TSNAXIP1: variants seen among roughly 807,000 people sequenced by gnomAD.
The protein encoded by TSNAXIP1 is translin-associated factor X-interacting protein 1.
TSNAXIP1 carries 89 observed loss-of-function variants against 84.8 expected under a neutral mutation model. The observed-to-expected ratio is 1.05, with a 90% CI of 0.88 to 1.25. The LOEUF (loss-of-function observed/expected upper bound fraction) is 1.25, where lower values mean the gene tolerates loss of function less well. TSNAXIP1 is among the 50% of genes most tolerant of loss of function. The pLI is 0.00. For missense variants in TSNAXIP1, 874 were observed against 887.6 expected (o/e 0.98, Z 0.20); for synonymous variants, 347 against 335.2 (o/e 1.04, Z -0.39).
chr16:67,822,745 G>A (rs1352244181), intron 4 of TSNAXIP1, among the ~76,000 whole-genome samples: 1 of 152,196 alleles, frequency 6.6e-6, no homozygotes, highest in African/African-American at 2.4e-5. Context: ...GCCCTGGGCT[G>A]GGGCCTTACA....
chr16:67,827,542 T>C lies in TSNAXIP1; in HGVS notation c.1861T>C (p.Tyr621His). The change falls in exon 15 of 16, where the codon TAC becomes CAC. Residue 621 changes from tyrosine to histidine, a missense_variant. Physicochemically the swap from Tyr to His is moderately conservative, Grantham distance 83. Transcript: ENST00000561639. ...ACAATACATGGATGAGAAGGACGAG[T>C]ACTTACAGCAGCTAAAGCAGGAGCT... ...WEQYMDEKDE[Y>H]LQQLKQELGI... is the part of the protein sequence containing the mutation. 6.2e-7 allele frequency: 1 copy of C among 1,613,916 alleles called. No individual in the cohort carries two copies. The highest frequency in any genetic ancestry group is 8.5e-7 in the Non-Finnish European group (1 of 1,179,974).
intron 1 of TSNAXIP1, among the ~76,000 whole-genome samples, chr16:67,813,731 CAAAAAAAAAAAA>C (rs373627128): frequency 4.9e-5 from 2 of 41,208 alleles, no homozygotes; most frequent in African/African-American, 2.0e-4. Context: ...GACTCCGTCT[CAAAAAAAAAAAA>C]AAAAAAAAAA....
intron 1 of TSNAXIP1, among the ~76,000 whole-genome samples, chr16:67,811,127 C>T (rs759992172): frequency 6.6e-6 from 1 of 152,214 alleles, no homozygotes; most frequent in African/African-American, 2.4e-5. Context: ...CCCGGCCGAT[C>T]TCCTGACCTC....
At chr16:67,811,603 G>A (rs1350977951) in intron 1 of TSNAXIP1, among the ~76,000 whole-genome samples, 5 of 151,626 alleles carry the variant, frequency 3.3e-5, no homozygotes, top group South Asian at 2.1e-4. Flanking sequence ...CACCACACCC[G>A]GCTAATTTTT....
rs532862701 is a variant in TSNAXIP1 at position 67,808,209 on chromosome 16, A to G, written c.47+1013A>G. On this transcript the variant is annotated intron_variant, in intron 1 of 15. Transcript: ENST00000561639. ...CCCTTCTACTCATTCCCAGTGGGGGAAAAAAAAAAAAACACCACCCAATCC... is the reference window on the plus strand; with the variant it reads ...CCCTTCTACTCATTCCCAGTGGGGGGAAAAAAAAAAAACACCACCCAATCC... 3.8e-3 allele frequency among the ~76,000 whole-genome samples: 546 copies of G among 143,990 alleles called. 1 individual carries two copies. Among genetic ancestry groups the G allele is most frequent in the African/African-American group, 5.4e-3 (214 of 39,650 alleles). The allele number at this position is 143,990 out of a possible 152,430, so 94.5% of individuals were successfully genotyped here. A position where few individuals can be genotyped will look rare whatever the true frequency, so the allele number is the denominator to read the frequency against.
chr16:67,807,227 G>T, intron 1 of TSNAXIP1, 31 bp downstream of exon 1: 1 of 1,536,034 alleles, frequency 6.5e-7, no homozygotes, highest in South Asian at 1.2e-5. Flanking sequence ...GGGCAGAGAT[G>T]AGGGTTTGAG....
intron 1 of TSNAXIP1, among the ~76,000 whole-genome samples, chr16:67,810,112 A>C (rs1215254430): frequency 6.6e-6 from 1 of 152,118 alleles, no homozygotes; most frequent in Admixed American, 6.6e-5. Flanking sequence ...AGCATGATGG[A>C]TAAGCTAGAC....
At chr16:67,811,271 A>G (rs574853046) in intron 1 of TSNAXIP1, among the ~76,000 whole-genome samples, 1 of 152,038 alleles carries the variant, frequency 6.6e-6, no homozygotes, top group Non-Finnish European at 1.5e-5. Context: ...TCTGTTTTAT[A>G]ATGTTGTCTC....
intron 2 of TSNAXIP1, among the ~76,000 whole-genome samples, chr16:67,817,936 C>T (rs1010725064): frequency 6.6e-6 from 1 of 151,550 alleles, no homozygotes; most frequent in Non-Finnish European, 1.5e-5. Context: ...CTGGGCCGGG[C>T]GCAGTGGCTC....
At chr16:67,822,278 CAAAAAAAAAAA>C (rs931299742) in intron 4 of TSNAXIP1, among the ~76,000 whole-genome samples, 1 of 51,944 alleles carries the variant, frequency 1.9e-5, no homozygotes, top group Non-Finnish European at 4.1e-5. Context: ...GACTCCATCT[CAAAAAAAAAAA>C]AAAAAAAAGA....
intron 2 of TSNAXIP1, among the ~76,000 whole-genome samples, chr16:67,817,564 G>A (rs567133458): frequency 4.8e-5 from 7 of 147,028 alleles, no homozygotes; most frequent in South Asian, 2.3e-4. Context: ...ACAAGCGTAA[G>A]CCACCGCGCC....
Position 67,828,003 on chromosome 16 carries a change from G to A in TSNAXIP1, c.*10G>A. 6.2e-7 allele frequency: 1 copy of A among 1,612,000 alleles called. No homozygotes were observed. ...AGAGCCTGCAAGCTAGGAACTTGTGGGCAGCCTGCGTACTCCAGTCCTGCT... is the reference window on the plus strand; with the variant it reads ...AGAGCCTGCAAGCTAGGAACTTGTGAGCAGCCTGCGTACTCCAGTCCTGCT... On this transcript the variant is annotated 3_prime_UTR_variant, in exon 16 of 16. Coordinates refer to ENST00000561639, the MANE Select transcript of TSNAXIP1 (RefSeq NM_001288990.3).
At chr16:67,826,670 G>A (rs768084129) in intron 11 of TSNAXIP1, 22 bp from the exon 12 acceptor site, 23 of 1,612,300 alleles carry the variant, frequency 1.4e-5, no homozygotes, top group Non-Finnish European at 1.7e-5. Flanking sequence ...GACTCTGACT[G>A]AGCATTTCCT....
At chr16:67,817,141 G>A (rs1452798750) in intron 2 of TSNAXIP1, among the ~76,000 whole-genome samples, 1 of 148,068 alleles carries the variant, frequency 6.8e-6, no homozygotes, top group African/African-American at 2.5e-5. Flanking sequence ...AATTTTTTGC[G>A]GTTTTTTTTT....
intron 1 of TSNAXIP1, 142 bp from the exon 2 acceptor site, chr16:67,814,160 G>A: frequency 1.6e-6 from 1 of 641,836 alleles, no homozygotes; most frequent in Non-Finnish European, 2.7e-6. Context: ...GGACTTGCTT[G>A]GCAGTGTCTC....
chr16:67,819,569 C>T (rs1043213386), intron 2 of TSNAXIP1, among the ~76,000 whole-genome samples: 5 of 151,880 alleles, frequency 3.3e-5, no homozygotes, highest in African/African-American at 7.3e-5. Context: ...CCACTGTGCC[C>T]GGCCAGAATA....
intron 5 of TSNAXIP1, among the ~76,000 whole-genome samples, chr16:67,824,064 C>G (rs1431774922): frequency 2.0e-5 from 3 of 150,706 alleles, no homozygotes; most frequent in Non-Finnish European, 4.4e-5. Context: ...CTTGTCCCAG[C>G]CTGGAAGGGG....
chr16:67,814,970 A>G (rs557808028), intron 2 of TSNAXIP1, among the ~76,000 whole-genome samples: 80 of 152,156 alleles, frequency 5.3e-4, no homozygotes, highest in African/African-American at 1.7e-3. Flanking sequence ...TAAAGTTTGT[A>G]TATAAAAATG....
In TSNAXIP1 at chr16:67,806,955, G is replaced by T; in HGVS notation, c.-195G>T. On this transcript the variant is annotated 5_prime_UTR_variant, in exon 1 of 16. Coordinates refer to ENST00000561639, the MANE Select transcript of TSNAXIP1 (RefSeq NM_001288990.3). Reference sequence around the variant, plus strand: ...GTAGTGGTTGACTCTCAGGGCACCCGCTGCCGGGTCCCAGTCCACCTTTGC... The same window carrying T: ...GTAGTGGTTGACTCTCAGGGCACCCTCTGCCGGGTCCCAGTCCACCTTTGC... 2.4e-6 allele frequency: 2 copies of T among 849,290 alleles called. No individual in the cohort carries two copies. Among genetic ancestry groups the T allele is most frequent in the Non-Finnish European group, 3.5e-6 (2 of 565,800 alleles). The allele number at this position is 849,290 out of a possible 1,614,324, so 52.6% of individuals were successfully genotyped here.
Sources: allele counts gnomAD v4.1 joint callset (sites outside exome capture counted in the v4.1 genomes callset), GRCh38; gene constraint gnomAD v4.1.1; transcripts MANE v1.5; gene names NCBI Gene and HGNC (gene_info 2026-07-23, HGNC 2026-07-21).